Variants in ZNF362 observed in about 807,000 individuals in gnomAD.
The protein encoded by ZNF362 is rotund homolog.
ZNF362 carries 11 observed loss-of-function variants against 42.9 expected under a neutral mutation model. The observed-to-expected ratio is 0.26, with a 90% CI of 0.16 to 0.42. ZNF362 has a LOEUF of 0.42. ZNF362 is among the 20% of genes least tolerant of loss of function. The pLI is 1.00. For missense variants in ZNF362, 362 were observed against 576.2 expected, an observed-to-expected ratio of 0.63 and a Z score of 3.81; for synonymous variants, 255 against 257.3, an observed-to-expected ratio of 0.99 and a Z score of 0.09.
At chr1:33,138,640 A>AAG in the ZNF362 span, among the ~76,000 whole-genome samples, 25,562 of 149,412 alleles carry the variant, frequency 0.17, 2,589 homozygotes, top group South Asian at 0.28. Flanking sequence ...AAAAAAAAAA[A>AAG]AAAAAGAAAA....
chr1:33,296,347 C>G (rs1438432235), intron 8 of ZNF362, among the ~76,000 whole-genome samples: 1 of 152,094 alleles, frequency 6.6e-6, no homozygotes, highest in Non-Finnish European at 1.5e-5. Context: ...CAGGGCCATG[C>G]CGTCCTGCAT....
chr1:33,174,539 A>G, the ZNF362 span, among the ~76,000 whole-genome samples: 1 of 152,164 alleles, frequency 6.6e-6, no homozygotes, highest in Non-Finnish European at 1.5e-5. Context: ...AATGAGATCC[A>G]TCTCATAGGG....
chr1:33,206,970 C>T, the ZNF362 span, among the ~76,000 whole-genome samples: 1 of 152,128 alleles, frequency 6.6e-6, no homozygotes, highest in Non-Finnish European at 1.5e-5. Context: ...TAAAATTATA[C>T]TTTAAGTTCT....
rs6661467 is a variant in ZNF362 at position 33,281,569 on chromosome 1, C to A, written c.684-18C>A. ...GTCTGGGGGATCTTCCCACGTGAAC[C>A]TGTCTCTTGCTCCGCAGGTGTAAGG... On this transcript the variant is annotated intron_variant, in intron 5 of 8. Transcript: ENST00000539719. The surrounding 1 kb of genome is among the most constrained non-coding windows in gnomAD (Gnocchi z 4.8). The A allele has an allele frequency of 2.6e-3, 4,253 of 1,613,430 alleles. 89 individuals carry two copies. In the African/African-American group the frequency reaches 0.047, roughly 18 times the overall value.
the ZNF362 span, among the ~76,000 whole-genome samples, chr1:33,174,945 G>GTATATATATATATATATA: frequency 1.4e-5 from 2 of 141,742 alleles, no homozygotes; most frequent in East Asian, 4.1e-4. Flanking sequence ...ATATATGTGT[G>GTATATATATATATATATA]TATATATATA....
At chr1:33,282,028 A>G (rs897768629) in intron 6 of ZNF362, 17 of 580,154 alleles carry the variant, frequency 2.9e-5, no homozygotes, top group Non-Finnish European at 4.9e-5. Flanking sequence ...TGTGTCCTTT[A>G]CCAGAGAGAC....
chr1:33,172,750 A>C, the ZNF362 span, among the ~76,000 whole-genome samples: 1 of 152,184 alleles, frequency 6.6e-6, no homozygotes, highest in Non-Finnish European at 1.5e-5. Flanking sequence ...AATGTTCCCA[A>C]GGCCAGATCT....
chr1:33,218,978 C>CACACACACACACAT, the ZNF362 span, among the ~76,000 whole-genome samples: 3,153 of 134,296 alleles, frequency 0.023, 110 homozygotes, highest in South Asian at 0.04. Flanking sequence ...CACACACACA[C>CACACACACACACAT]ACATACACCA....
chr1:33,292,873 C>T (rs1322654122), intron 6 of ZNF362, among the ~76,000 whole-genome samples: 2 of 152,196 alleles, frequency 1.3e-5, no homozygotes, highest in African/African-American at 2.4e-5. Flanking sequence ...CCTTAAGGTC[C>T]TTCCATTGTA....
chr1:33,299,142 C>A lies in ZNF362; in HGVS notation c.*96C>A. On this transcript the variant is annotated 3_prime_UTR_variant, in exon 9 of 9. Transcript: ENST00000539719. ...CCTCCGGGGGCCCTCCAGGAACCAC[C>A]AAGCTCTCTCACGACCTTCCCAATC... 3 of 894,524 alleles carry A rather than the reference C, an allele frequency of 3.4e-6. No homozygotes were observed. The highest frequency in any genetic ancestry group is 5.4e-6 in the Non-Finnish European group (3 of 559,978). The allele number at this position is 894,524 out of a possible 1,614,324, so 55.4% of individuals were successfully genotyped here.
At chr1:33,187,012 A>G in the ZNF362 span, among the ~76,000 whole-genome samples, 137 of 151,994 alleles carry the variant, frequency 9.0e-4, no homozygotes, top group Non-Finnish European at 1.4e-3. Context: ...AGGCAGCCCC[A>G]TAAGGGTGCA....
In ZNF362 at chr1:33,270,598, G is replaced by GA; in HGVS notation, c.27dup (p.Gly10ArgfsTer4). 6.2e-7 allele frequency: 1 copy of GA among 1,613,032 alleles called. No homozygotes were observed. Among genetic ancestry groups the GA allele is most frequent in the South Asian group, 1.1e-5 (1 of 91,008 alleles). On this transcript the variant is annotated frameshift_variant, in exon 2 of 9. Transcript: ENST00000539719. LOFTEE classifies it high-confidence loss of function. ...GGATGAGTAGAAGTTCACCAAGTGG[G>GA]AAAGGACACTCTAGGTAAGGAGCCT...
the ZNF362 span, among the ~76,000 whole-genome samples, chr1:33,183,150 A>G: frequency 6.6e-6 from 1 of 152,166 alleles, no homozygotes; most frequent in Admixed American, 6.5e-5. Context: ...GGGCCTCAGC[A>G]GTGGGTAAGG....
intron 8 of ZNF362, 145 bp from the exon 9 acceptor site, chr1:33,298,785 C>T (rs1646143127): frequency 4.3e-6 from 3 of 701,694 alleles, no homozygotes; most frequent in African/African-American, 3.5e-5. Context: ...ATGGCCGACG[C>T]CCATCTGACC....
At chr1:33,284,858 A>G (rs367831115) in intron 6 of ZNF362, among the ~76,000 whole-genome samples, 2 of 152,168 alleles carry the variant, frequency 1.3e-5, no homozygotes, top group East Asian at 1.9e-4. Context: ...AAAGTTATCT[A>G]CTTCTGGAGC....
At chr1:33,181,318 A>T in the ZNF362 span, 14 of 1,569,198 alleles carry the variant, frequency 8.9e-6, no homozygotes, top group Non-Finnish European at 1.2e-5. The surrounding 1 kb of genome is among the most constrained non-coding windows in gnomAD (Gnocchi z 6.5). Context: ...TGCCGCACCC[A>T]GTGCTCCGTG....
chr1:33,240,129 A>G, the ZNF362 span, among the ~76,000 whole-genome samples: 1 of 152,152 alleles, frequency 6.6e-6, no homozygotes, highest in Non-Finnish European at 1.5e-5. Flanking sequence ...GTATCTCCTC[A>G]TGTTACTTAT....
the ZNF362 span, among the ~76,000 whole-genome samples, chr1:33,243,889 G>A: frequency 1.6e-4 from 25 of 152,084 alleles, no homozygotes; most frequent in East Asian, 4.8e-3. Context: ...TGGGATTACA[G>A]GCGTGAGCTA....
chr1:33,221,096 G>A, the ZNF362 span, among the ~76,000 whole-genome samples: 2 of 152,184 alleles, frequency 1.3e-5, no homozygotes, highest in East Asian at 1.9e-4. Context: ...GCTGGGGGGC[G>A]GGGTGCCGAC....
Sources: allele counts gnomAD v4.1 joint callset (sites outside exome capture counted in the v4.1 genomes callset), GRCh38; gene constraint gnomAD v4.1.1; non-coding constraint Gnocchi (gnomAD v3.1); transcripts MANE v1.5; gene names NCBI Gene and HGNC (gene_info 2026-07-23, HGNC 2026-07-21).